The following TOP1 variants were observed in gnomAD, a reference collection of about 807,000 sequenced individuals.
TOP1 encodes DNA topoisomerase 1.
In TOP1, 10 loss-of-function variants were observed where a neutral mutation model predicts 111.1. The observed-to-expected ratio is 0.09, with a 90% CI of 0.06 to 0.15. TOP1 has a LOEUF of 0.15. Among genes scored for constraint, TOP1 ranks in the 10% least tolerant of loss-of-function variants. The pLI is 1.00. For missense variants in TOP1, 474 were observed against 926.7 expected (o/e 0.51, Z 6.34); for synonymous variants, 271 against 302.9 (o/e 0.89, Z 1.10).
At position 41,061,267 on chromosome 20, in the gene TOP1, GC is replaced by G; in HGVS notation, c.59-126del. 1 of 776,760 alleles carries G rather than the reference GC, an allele frequency of 1.3e-6. No individual in the cohort carries two copies. Among genetic ancestry groups the G allele is most frequent in the Non-Finnish European group, 2.0e-6 (1 of 504,144 alleles). 48.1% of individuals were successfully genotyped at this position (776,760 alleles called of 1,614,324 possible). ...TTTGTGAAAGCTTTTTTTTTCAGTG[GC>G]ATGTGCTATTATGCCTACCATGCCA... On this transcript the variant is annotated intron_variant, in intron 2 of 20. Coordinates refer to ENST00000361337, the MANE Select transcript of TOP1 (RefSeq NM_003286.4). The surrounding 1 kb of genome is among the most constrained non-coding windows in gnomAD (Gnocchi z 4.6).
rs2034327409 is a variant in TOP1, at chr20:41,116,192, C to T, written c.1708-86C>T. 1.2e-6 allele frequency: 1 copy of T among 803,790 alleles called. No homozygotes were observed. The highest frequency in any genetic ancestry group is 2.1e-6 in the Non-Finnish European group (1 of 479,632). The allele number at this position is 803,790 out of a possible 1,614,324, so 49.8% of individuals were successfully genotyped here. ...GGCAATAAACTTGACAAGATTGTGA[C>T]TGCACTGGCATAAATTACTCCTAGG... On this transcript the variant is annotated intron_variant, in intron 16 of 20. Coordinates refer to ENST00000361337, the MANE Select transcript of TOP1 (RefSeq NM_003286.4). This position sits in a 1 kb window ranked among gnomAD's most constrained non-coding sequence, Gnocchi z 5.6.
At chr20:41,104,820 A>C (rs1159574524) in intron 13 of TOP1, among the ~76,000 whole-genome samples, 1 of 152,256 alleles carries the variant, frequency 6.6e-6, no homozygotes, top group Non-Finnish European at 1.5e-5. Flanking sequence ...TCAGCAGAAT[A>C]GTGAGATCTT....
rs1385936212 is a variant in TOP1, at chr20:41,118,781, TTCA to T, written c.1950+492_1950+494del. Among the ~76,000 whole-genome samples, 1 of 152,248 alleles carries T rather than the reference TTCA, an allele frequency of 6.6e-6. No homozygotes were observed. Among genetic ancestry groups the T allele is most frequent in the Non-Finnish European group, 1.5e-5 (1 of 68,044 alleles). ...CCACATGAATCATATTTTTATATAGTTCATCATCAAACATCTGTTGAATACTGG... is the reference window on the plus strand; with the variant it reads ...CCACATGAATCATATTTTTATATAGTTCATCAAACATCTGTTGAATACTGG... On this transcript the variant is annotated intron_variant, in intron 18 of 20. Coordinates refer to ENST00000361337, the MANE Select transcript of TOP1 (RefSeq NM_003286.4). The surrounding 1 kb of genome is among the most constrained non-coding windows in gnomAD (Gnocchi z 4.6).
Position 41,110,568 on chromosome 20 carries a change from C to A in TOP1, c.1309-2214C>A, listed in dbSNP as rs998313670. ...CTTGAATCCAGATCCTGATTCCACC[C>A]AACCACTCTGCTGAATGGATAGCAG... On this transcript the variant is annotated intron_variant, in intron 13 of 20. Transcript: ENST00000361337. This position sits in a 1 kb window ranked among gnomAD's most constrained non-coding sequence, Gnocchi z 4.2. Among the ~76,000 whole-genome samples the A allele has an allele frequency of 6.6e-6, 1 of 152,212 alleles. No homozygotes were observed. The highest frequency in any genetic ancestry group is 1.5e-5 in the Non-Finnish European group (1 of 68,038).
rs1476377346 is a variant in TOP1, at chr20:41,110,669, AATTAG to A, written c.1309-2109_1309-2105del. ...AAAGAATGTCATCTACAATCAGTTA[AATTAG>A]ATTTTTACCCATTACTGAAGTGTGA... On this transcript the variant is annotated intron_variant, in intron 13 of 20. Coordinates refer to ENST00000361337, the MANE Select transcript of TOP1 (RefSeq NM_003286.4). This position sits in a 1 kb window ranked among gnomAD's most constrained non-coding sequence, Gnocchi z 4.2. 2.0e-5 allele frequency among the ~76,000 whole-genome samples: 3 copies of A among 152,204 alleles called. No individual in the cohort carries two copies. Among genetic ancestry groups the A allele is most frequent in the Non-Finnish European group, 2.9e-5 (2 of 68,040 alleles).
At chr20:41,077,969 T>TTTTG (rs2033748929) in intron 5 of TOP1, among the ~76,000 whole-genome samples, 1 of 125,096 alleles carries the variant, frequency 8.0e-6, no homozygotes, top group Non-Finnish European at 1.7e-5. Context: ...TTTTTTTTTT[T>TTTTG]TAGTATATTC....
Position 41,114,783 on chromosome 20 carries a change from A to G in TOP1, c.1639-588A>G, listed in dbSNP as rs549935896. On this transcript the variant is annotated intron_variant, in intron 15 of 20. Transcript: ENST00000361337. The surrounding 1 kb of genome is among the most constrained non-coding windows in gnomAD (Gnocchi z 4.5). ...CTGTAGTCCCAACCTAATCTTTTCC[A>G]TAGTATTGGGCTTGAACCAGAGACT... 1.1e-4 allele frequency among the ~76,000 whole-genome samples: 16 copies of G among 152,260 alleles called. No homozygotes were observed. Among genetic ancestry groups the G allele is most frequent in the East Asian group, 9.6e-4 (5 of 5,188 alleles).
intron 2 of TOP1, among the ~76,000 whole-genome samples, chr20:41,043,392 G>A (rs955180331): frequency 1.3e-5 from 2 of 152,098 alleles, no homozygotes; most frequent in African/African-American, 4.8e-5. Flanking sequence ...ATTCATAATC[G>A]GGGGAGGATC....
In TOP1 at chr20:41,069,907, C is replaced by G. The variant is rs1421271193; in HGVS notation, c.156-6264C>G. Among the ~76,000 whole-genome samples the G allele has an allele frequency of 6.6e-6, 1 of 152,014 alleles. No individual in the cohort carries two copies. The highest frequency in any genetic ancestry group is 1.5e-5 in the Non-Finnish European group (1 of 68,012). ...TAATGGTTAGAAAGAAAAACATAAGCAAAACATAGAGGCATTGTAGTATAT... is the reference window on the plus strand; with the variant it reads ...TAATGGTTAGAAAGAAAAACATAAGGAAAACATAGAGGCATTGTAGTATAT... On this transcript the variant is annotated intron_variant, in intron 3 of 20. Coordinates refer to ENST00000361337, the MANE Select transcript of TOP1 (RefSeq NM_003286.4). This position sits in a 1 kb window ranked among gnomAD's most constrained non-coding sequence, Gnocchi z 4.1.
intron 8 of TOP1, among the ~76,000 whole-genome samples, chr20:41,091,584 TCTCA>T (rs2033920965): frequency 8.5e-6 from 1 of 117,826 alleles, no homozygotes; most frequent in Non-Finnish European, 1.6e-5. Flanking sequence ...TGAGATGGAG[TCTCA>T]CTCTGTTGCC....
Position 41,073,875 on chromosome 20 carries a change from A to AT in TOP1, c.156-2295dup, listed in dbSNP as rs544594547. Reference sequence around the variant, plus strand: ...AGTTGGCAGGGCAGGGGGAGGCAGTATATTCATCCATCAATATTATAGATG... The same window carrying AT: ...AGTTGGCAGGGCAGGGGGAGGCAGTATTATTCATCCATCAATATTATAGATG... On this transcript the variant is annotated intron_variant, in intron 3 of 20. Transcript: ENST00000361337. Among the ~76,000 whole-genome samples, 438 of 152,310 alleles carry AT rather than the reference A, an allele frequency of 2.9e-3. 2 individuals are homozygous for AT. The highest frequency in any genetic ancestry group is 4.6e-3 in the Non-Finnish European group (312 of 68,020).
At position 41,092,787 on chromosome 20, in the gene TOP1, G is replaced by A. The variant is rs564721779; in HGVS notation, c.730+200G>A. On this transcript the variant is annotated intron_variant, in intron 9 of 20. Transcript: ENST00000361337. The surrounding 1 kb of genome is among the most constrained non-coding windows in gnomAD (Gnocchi z 4.3). ...GCTGCTGAAAAAGTGCCATGGAAAA[G>A]GGGCTATTCATGTCTTCCCTACATA... Among the ~76,000 whole-genome samples, 1 of 152,190 alleles carries A rather than the reference G, an allele frequency of 6.6e-6. No individual in the cohort carries two copies. The highest frequency in any genetic ancestry group is 6.5e-5 in the Admixed American group (1 of 15,284).
intron 3 of TOP1, among the ~76,000 whole-genome samples, chr20:41,070,406 T>A (rs2033656773): frequency 6.6e-6 from 1 of 152,206 alleles, no homozygotes; most frequent in Admixed American, 6.5e-5. Flanking sequence ...GTCCTTGTGA[T>A]TTTGTTTAGA....
intron 2 of TOP1, among the ~76,000 whole-genome samples, chr20:41,059,056 C>T (rs573574190): frequency 6.6e-6 from 1 of 152,080 alleles, no homozygotes; most frequent in Non-Finnish European, 1.5e-5. Flanking sequence ...CCTTAGCAAA[C>T]GTAACAGAGG....
At chr20:41,050,170 C>G (rs888678873) in intron 2 of TOP1, among the ~76,000 whole-genome samples, 7 of 152,198 alleles carry the variant, frequency 4.6e-5, no homozygotes, top group African/African-American at 1.7e-4. Context: ...GTGTGCATCA[C>G]CATGCCCGGC....
At chr20:41,075,553 A>G (rs1002410544) in intron 3 of TOP1, among the ~76,000 whole-genome samples, 1 of 152,230 alleles carries the variant, frequency 6.6e-6, no homozygotes, top group Non-Finnish European at 1.5e-5. Flanking sequence ...AGCTATGAAC[A>G]TTTTCATGGC....
At chr20:41,059,135 A>G (rs987822328) in intron 2 of TOP1, among the ~76,000 whole-genome samples, 1 of 152,104 alleles carries the variant, frequency 6.6e-6, no homozygotes, top group African/African-American at 2.4e-5. Context: ...ACATGGACAC[A>G]TGTAGGGGAA....
rs1568669030 is a variant in TOP1, at chr20:41,034,880, T to A, written c.58+5425T>A. Among the ~76,000 whole-genome samples the A allele has an allele frequency of 6.6e-6, 1 of 152,170 alleles. No individual in the cohort carries two copies. Among genetic ancestry groups the A allele is most frequent in the Non-Finnish European group, 1.5e-5 (1 of 68,026 alleles). On this transcript the variant is annotated intron_variant, in intron 2 of 20. Transcript: ENST00000361337. This position sits in a 1 kb window ranked among gnomAD's most constrained non-coding sequence, Gnocchi z 4.0. ...AACTTTTAATTTTAACTTCTTTCCT[T>A]TACTTTTTTTTTGGGCGGGGTGGGG... is the stretch of plus-strand genomic sequence containing the variant.
In TOP1 at chr20:41,121,504, G is replaced by A. The variant is rs562530613; in HGVS notation, c.1951-192G>A. Among the ~76,000 whole-genome samples the A allele has an allele frequency of 6.6e-6, 1 of 152,248 alleles. No homozygotes were observed. Among genetic ancestry groups the A allele is most frequent in the African/African-American group, 2.4e-5 (1 of 41,536 alleles). On this transcript the variant is annotated intron_variant, in intron 18 of 20. Transcript: ENST00000361337. This position sits in a 1 kb window ranked among gnomAD's most constrained non-coding sequence, Gnocchi z 4.2. ...AACCCTTGTTTCTTTCCAGATCACT[G>A]AAGAACAAATAGTTGAATTCACTAG...
Sources: allele counts gnomAD v4.1 joint callset (sites outside exome capture counted in the v4.1 genomes callset), GRCh38; gene constraint gnomAD v4.1.1; non-coding constraint Gnocchi (gnomAD v3.1); transcripts MANE v1.5; gene names NCBI Gene and HGNC (gene_info 2026-07-23, HGNC 2026-07-21).